The following ABTB2 variants were observed in gnomAD, a reference collection of about 807,000 sequenced individuals.
ABTB2 encodes ankyrin repeat and BTB domain containing 2, also known as ankyrin repeat and BTB/POZ domain-containing protein 2.
Under a neutral mutation model 104.1 loss-of-function variants are expected in ABTB2, and 56 were observed. The observed-to-expected ratio is 0.54, with a 90% confidence interval of 0.43 to 0.67. ABTB2 has a LOEUF of 0.67. Ranked by LOEUF, ABTB2 falls within the 30% of genes least tolerant of loss-of-function variation. The probability of loss-of-function intolerance (pLI) is 0.00; values close to 1 mark genes in which losing one functional copy is unlikely to be tolerated. For synonymous variants in ABTB2, 606 were observed against 608.2 expected (o/e 1.00, Z 0.05); for missense variants, 1,279 against 1,407.7 (o/e 0.91, Z 1.46).
At chr11:34,226,621 C>T (rs1853691188) in intron 1 of ABTB2, among the ~76,000 whole-genome samples, 1 of 152,170 alleles carries the variant, frequency 6.6e-6, no homozygotes, top group Admixed American at 6.5e-5. Context: ...GTTCATGAGT[C>T]CAAGTAGGCT....
intron 3 of ABTB2, among the ~76,000 whole-genome samples, chr11:34,190,959 T>C (rs1853167143): frequency 6.6e-6 from 1 of 152,214 alleles, no homozygotes; most frequent in South Asian, 2.1e-4. Context: ...CATTTAACCG[T>C]AGAAGCCATA....
chr11:34,167,904 T>C lies in ABTB2; in HGVS notation c.1652A>G (p.Gln551Arg), dbSNP rs755326527. Residue 551 changes from glutamine (Q) to arginine (R), a missense_variant and splice_region_variant, in exon 6 of 17, where the codon CAG becomes CGG. Coordinates refer to ENST00000435224, the MANE Select transcript of ABTB2 (RefSeq NM_145804.3). ...TGCAGCTCTGTGGGGCTTCCTCACC[T>C]GGATGTCCAAGTTTGCCCCAGCATC... The part of the protein sequence containing the change: ...LIDAGANLDI[Q>R]VPSNSPRHPS... The C allele has an allele frequency of 5.6e-6, 9 of 1,614,194 alleles. No individual in the cohort carries two copies. In the South Asian group the frequency reaches 9.9e-5, roughly 18 times the overall value.
At chr11:34,341,964 G>T (rs1693173536) in intron 1 of ABTB2, among the ~76,000 whole-genome samples, 1 of 152,144 alleles carries the variant, frequency 6.6e-6, no homozygotes, top group African/African-American at 2.4e-5. Flanking sequence ...CTTAGGAAAG[G>T]TTGCCACATT....
At chr11:34,178,308 G>A (rs1852981798) in intron 3 of ABTB2, among the ~76,000 whole-genome samples, 1 of 152,196 alleles carries the variant, frequency 6.6e-6, no homozygotes, top group South Asian at 2.1e-4. Flanking sequence ...AAAAAGAGAA[G>A]TAATTCATGG....
intron 1 of ABTB2, chr11:34,335,709 C>T: frequency 7.2e-7 from 1 of 1,390,128 alleles, no homozygotes; most frequent in Non-Finnish European, 1.0e-6. Context: ...GAACATCAGG[C>T]AAAGTTTTAT....
chr11:34,310,645 C>T (rs1854839703), intron 1 of ABTB2, among the ~76,000 whole-genome samples: 1 of 152,144 alleles, frequency 6.6e-6, no homozygotes, highest in African/African-American at 2.4e-5. Flanking sequence ...ACATGCTGTT[C>T]CCTTTCCTTG....
At position 34,197,380 on chromosome 11, in the gene ABTB2, C is replaced by A. The variant is rs1362247982; in HGVS notation, c.1189G>T (p.Glu397Ter). The A allele has an allele frequency of 6.2e-7, 1 of 1,613,900 alleles. No individual in the cohort carries two copies. Among genetic ancestry groups the A allele is most frequent in the Non-Finnish European group, 8.5e-7 (1 of 1,179,924 alleles). The change falls in exon 3 of 17, where the codon GAG becomes TAG. Residue 397 changes from glutamate (E) to a stop codon, truncating the protein, a stop_gained. Transcript: ENST00000435224. LOFTEE classifies it high-confidence loss of function. ...LYYFLRCPQM[E>*]SMENPNLDPP... Reference sequence around the variant, plus strand: ...TCCAGGTTGGGGTTCTCCATGGACTCCATCTGTGGACACCGCAGAAAGTAG... The same window carrying A: ...TCCAGGTTGGGGTTCTCCATGGACTACATCTGTGGACACCGCAGAAAGTAG...
At chr11:34,306,147 C>T (rs1455330053) in intron 1 of ABTB2, among the ~76,000 whole-genome samples, 1 of 151,200 alleles carries the variant, frequency 6.6e-6, no homozygotes, top group Non-Finnish European at 1.5e-5. Flanking sequence ...TGACTCTAAA[C>T]TAATTTTCTC....
At chr11:34,242,067 C>T (rs139872638) in intron 1 of ABTB2, among the ~76,000 whole-genome samples, 1,716 of 152,360 alleles carry the variant, frequency 0.011, 47 homozygotes, top group African/African-American at 0.038. Flanking sequence ...CTCTCCATGG[C>T]CACTGCCCAC....
intron 3 of ABTB2, among the ~76,000 whole-genome samples, chr11:34,176,700 TATGG>T (rs765498294): frequency 6.6e-6 from 1 of 152,178 alleles, no homozygotes; most frequent in Non-Finnish European, 1.5e-5. Context: ...TGACAAAAAG[TATGG>T]ATGAACATCA....
chr11:34,172,477 G>A (rs1170114687), intron 4 of ABTB2, among the ~76,000 whole-genome samples: 1 of 147,446 alleles, frequency 6.8e-6, no homozygotes, highest in Non-Finnish European at 1.5e-5. Flanking sequence ...TAGATAGATA[G>A]ATAGATAAAA....
intron 3 of ABTB2, among the ~76,000 whole-genome samples, chr11:34,175,309 T>C (rs1039495196): frequency 1.3e-5 from 2 of 152,246 alleles, no homozygotes; most frequent in Admixed American, 6.5e-5. Context: ...GTTGAAAATA[T>C]CCTAAGCGAA....
Position 34,170,968 on chromosome 11 carries a change from C to T in ABTB2, c.1501G>A (p.Asp501Asn), listed in dbSNP as rs150560418. Residue 501 changes from aspartate (D) to asparagine (N), a missense_variant, in exon 5 of 17, where the codon GAC (aspartate) becomes AAC (asparagine). Asp to Asn is a conservative substitution (Grantham distance 23). Transcript: ENST00000435224. ...GCCTCGATGGCTTGGTTGATGAGGTCCGTCCTCCCACAGTTGAGCATGCGG... is the reference window on the plus strand; with the variant it reads ...GCCTCGATGGCTTGGTTGATGAGGTTCGTCCTCCCACAGTTGAGCATGCGG... The part of the protein sequence containing the change: ...GFRMLNCGRT[D>N]LINQAIEALG... The T allele has an allele frequency of 6.2e-7, 1 of 1,614,188 alleles. No individual in the cohort carries two copies. Among genetic ancestry groups the T allele is most frequent in the Non-Finnish European group, 8.5e-7 (1 of 1,180,040 alleles).
intron 5 of ABTB2, among the ~76,000 whole-genome samples, chr11:34,169,361 T>C: frequency 6.6e-6 from 1 of 152,104 alleles, no homozygotes. Flanking sequence ...ATAATCATCA[T>C]ATTGGCAATA....
chr11:34,158,638 C>G (rs1396631849), intron 14 of ABTB2, among the ~76,000 whole-genome samples: 1 of 152,130 alleles, frequency 6.6e-6, no homozygotes, highest in Non-Finnish European at 1.5e-5. Flanking sequence ...TTCTAGAAAG[C>G]TCCTCTCAGT....
intron 1 of ABTB2, among the ~76,000 whole-genome samples, chr11:34,289,865 C>T (rs971883064): frequency 5.3e-5 from 8 of 152,210 alleles, no homozygotes; most frequent in African/African-American, 1.9e-4. Flanking sequence ...CAGAAACAAC[C>T]AGCTCCTGGG....
chr11:34,245,158 G>T (rs1853970043), intron 1 of ABTB2, among the ~76,000 whole-genome samples: 1 of 152,192 alleles, frequency 6.6e-6, no homozygotes, highest in Admixed American at 6.5e-5. Flanking sequence ...ACTGACACAT[G>T]CCTCATCTCT....
At chr11:34,228,994 C>G (rs1009921398) in intron 1 of ABTB2, among the ~76,000 whole-genome samples, 35 of 151,858 alleles carry the variant, frequency 2.3e-4, no homozygotes, top group African/African-American at 8.2e-4. Flanking sequence ...GGGCAGGCAC[C>G]TGTAATCCCA....
chr11:34,237,431 C>G (rs559001865), intron 1 of ABTB2, among the ~76,000 whole-genome samples: 2 of 152,288 alleles, frequency 1.3e-5, no homozygotes, highest in East Asian at 1.9e-4. Flanking sequence ...GCGTGAGCCA[C>G]TGCGCCTGGC....
Sources: allele counts gnomAD v4.1 joint callset (sites outside exome capture counted in the v4.1 genomes callset), GRCh38; gene constraint gnomAD v4.1.1; transcripts MANE v1.5; gene names NCBI Gene and HGNC (gene_info 2026-07-23, HGNC 2026-07-21).